The following TDP1 variants were observed in gnomAD, a reference collection of about 807,000 sequenced individuals.
The protein encoded by TDP1 is tyr-DNA phosphodiesterase 1.
Under a neutral mutation model 81.5 loss-of-function variants are expected in TDP1, and 64 were observed. The ratio of observed to expected loss-of-function variants is 0.79; its 90% CI spans 0.64 to 0.97. The LOEUF is 0.97. Among genes scored for constraint, TDP1 ranks in the 50% least tolerant of loss-of-function variants. The probability of loss-of-function intolerance (pLI) is 0.00; values close to 1 mark genes in which losing one functional copy is unlikely to be tolerated. For missense variants in TDP1, 723 were observed against 743.8 expected, an observed-to-expected ratio of 0.97 and a Z score of 0.33; for synonymous variants, 256 against 264.3, an observed-to-expected ratio of 0.97 and a Z score of 0.30.
At chr14:89,973,970 A>G (rs976310357) in intron 6 of TDP1, among the ~76,000 whole-genome samples, 1 of 152,142 alleles carries the variant, frequency 6.6e-6, no homozygotes. Context: ...GTATAAGGAC[A>G]GCAGTCCTGT....
chr14:90,023,594 A>G (rs148645051), intron 15 of TDP1, among the ~76,000 whole-genome samples: 50 of 152,378 alleles, frequency 3.3e-4, no homozygotes, highest in African/African-American at 1.2e-3. Flanking sequence ...TGCATGTATT[A>G]TCAAAATCAT....
At chr14:90,038,571 C>T (rs1204939319) in intron 16 of TDP1, among the ~76,000 whole-genome samples, 2 of 152,190 alleles carry the variant, frequency 1.3e-5, no homozygotes, top group Admixed American at 6.5e-5. Context: ...GATGTGGTGG[C>T]TCACACCTGT....
chr14:90,033,946 A>T (rs35244996), intron 16 of TDP1, among the ~76,000 whole-genome samples: 3,070 of 152,226 alleles, frequency 0.02, 45 homozygotes, highest in Middle Eastern at 0.044. Context: ...TCATGCCTGT[A>T]GTTCCAACTA....
intron 6 of TDP1, among the ~76,000 whole-genome samples, chr14:89,973,863 G>A (rs938075734): frequency 1.3e-5 from 2 of 152,118 alleles, no homozygotes; most frequent in Non-Finnish European, 2.9e-5. Context: ...AGTTCCAGGT[G>A]AGGGCTCTCT....
intron 16 of TDP1, chr14:90,042,795 C>A: frequency 1.2e-6 from 1 of 860,536 alleles, no homozygotes; most frequent in Non-Finnish European, 1.4e-6. Flanking sequence ...GTCCCTCCCA[C>A]GATATGTGGG....
At chr14:90,026,976 G>A (rs927530785) in intron 15 of TDP1, among the ~76,000 whole-genome samples, 3 of 152,176 alleles carry the variant, frequency 2.0e-5, no homozygotes, top group Non-Finnish European at 4.4e-5. Context: ...TATATACCCA[G>A]TAATGGGTTG....
intron 14 of TDP1, among the ~76,000 whole-genome samples, chr14:89,995,402 A>C (rs980725516): frequency 1.3e-5 from 2 of 152,196 alleles, no homozygotes; most frequent in African/African-American, 4.8e-5. Context: ...GCCCCCTCTT[A>C]ATCAACATAG....
At chr14:89,994,433 CTGTT>C (rs761603751) in intron 14 of TDP1, among the ~76,000 whole-genome samples, 34 of 152,256 alleles carry the variant, frequency 2.2e-4, no homozygotes, top group Admixed American at 4.6e-4. Context: ...AATTTAATGT[CTGTT>C]TGGGTGTTGT....
chr14:89,956,849 A>G (rs988464177), intron 2 of TDP1, 49 bp downstream of exon 2: 8 of 152,306 alleles, frequency 5.3e-5, no homozygotes, highest in African/African-American at 1.9e-4. Flanking sequence ...GAGTGAGCCG[A>G]GATTGCGCCA....
Position 89,966,129 on chromosome 14 carries a change from T to C in TDP1, c.560-18T>C, listed in dbSNP as rs368658204. ...GATTTTTGTGAGTGTGAATTTGATA[T>C]ATGTTTTGTCTTCTCAGATATTTTA... On this transcript the variant is annotated intron_variant, in intron 3 of 16. Transcript: ENST00000335725. The C allele has an allele frequency of 7.6e-5, 119 of 1,558,178 alleles. No individual in the cohort carries two copies. Among genetic ancestry groups the C allele is most frequent in the Middle Eastern group, 6.7e-4 (4 of 5,970 alleles).
intron 14 of TDP1, among the ~76,000 whole-genome samples, chr14:90,015,233 CTT>C (rs1381514232): frequency 5.3e-5 from 8 of 152,188 alleles, no homozygotes; most frequent in Non-Finnish European, 1.0e-4. Context: ...GTCCAGGGCT[CTT>C]TTCTCAGCAT....
chr14:90,007,621 C>A (rs1040499928), intron 14 of TDP1, among the ~76,000 whole-genome samples: 4 of 151,916 alleles, frequency 2.6e-5, no homozygotes, highest in Non-Finnish European at 2.9e-5. Context: ...TAACTGCCAA[C>A]TAAGATTTTT....
intron 9 of TDP1, 84 bp downstream of exon 9, chr14:89,984,767 G>A: frequency 6.2e-7 from 1 of 1,601,514 alleles, no homozygotes. Flanking sequence ...CAGGGGCCTG[G>A]AAAGAGGTGG....
intron 7 of TDP1, among the ~76,000 whole-genome samples, chr14:89,978,200 C>G (rs1072511): frequency 6.6e-6 from 1 of 152,236 alleles, no homozygotes; most frequent in Non-Finnish European, 1.5e-5. Flanking sequence ...TTGCTGCCAC[C>G]AGCCCTGTGA....
At chr14:90,036,626 C>A (rs1331065850) in intron 16 of TDP1, among the ~76,000 whole-genome samples, 1 of 152,122 alleles carries the variant, frequency 6.6e-6, no homozygotes, top group African/African-American at 2.4e-5. Context: ...TTTATTCATT[C>A]TCTCCACAGA....
At chr14:90,041,447 T>C (rs963855230) in intron 16 of TDP1, among the ~76,000 whole-genome samples, 2 of 152,234 alleles carry the variant, frequency 1.3e-5, no homozygotes, top group Admixed American at 1.3e-4. Context: ...CCATCTTTGG[T>C]ATTTTTTCCT....
intron 15 of TDP1, among the ~76,000 whole-genome samples, chr14:90,020,325 G>A (rs1476068652): frequency 2.0e-5 from 3 of 148,026 alleles, no homozygotes; most frequent in Non-Finnish European, 4.4e-5. Context: ...ACAATGAGAT[G>A]GCTAATGCTT....
intron 14 of TDP1, among the ~76,000 whole-genome samples, chr14:90,012,550 G>T (rs1340278152): frequency 1.3e-5 from 2 of 151,966 alleles, no homozygotes; most frequent in Non-Finnish European, 2.9e-5. Context: ...TGTAGGTAGA[G>T]TTTCCCAAAC....
At chr14:90,040,052 G>A (rs1188441686) in intron 16 of TDP1, among the ~76,000 whole-genome samples, 3 of 152,178 alleles carry the variant, frequency 2.0e-5, no homozygotes, top group African/African-American at 7.2e-5. Flanking sequence ...ACCACAGGGA[G>A]AGATGGGACA....
Sources: allele counts gnomAD v4.1 joint callset (sites outside exome capture counted in the v4.1 genomes callset), GRCh38; gene constraint gnomAD v4.1.1; transcripts MANE v1.5; gene names NCBI Gene and HGNC (gene_info 2026-07-23, HGNC 2026-07-21).